Variants in KIF20B observed in about 807,000 individuals in gnomAD.
The protein encoded by KIF20B is kinesin-like protein KIF20B.
In KIF20B, 188 loss-of-function variants were observed where a neutral mutation model predicts 232.5. The observed-to-expected ratio is 0.81, with a 90% confidence interval of 0.72 to 0.91. The LOEUF is 0.91. Ranked by LOEUF, KIF20B falls within the 40% of genes least tolerant of loss-of-function variation. The probability of loss-of-function intolerance (pLI) is 0.00; values close to 1 mark genes in which losing one functional copy is unlikely to be tolerated. For missense variants in KIF20B, 2,154 were observed against 2,055.9 expected (o/e 1.05, Z -0.92); for synonymous variants, 712 against 683.0 (o/e 1.04, Z -0.66).
intron 19 of KIF20B, among the ~76,000 whole-genome samples, chr10:89,736,543 CTTACA>C (rs532825463): frequency 8.5e-5 from 13 of 152,248 alleles, no homozygotes; most frequent in Admixed American, 5.9e-4. Flanking sequence ...AGTCATTTAA[CTTACA>C]TTACGTATTA....
At chr10:89,763,439 T>C (rs1021903854) in intron 29 of KIF20B, among the ~76,000 whole-genome samples, 2 of 152,192 alleles carry the variant, frequency 1.3e-5, no homozygotes, top group African/African-American at 4.8e-5. Context: ...TCATACTTAG[T>C]CACTTTCCCT....
At chr10:89,735,159 G>A (rs926540494) in intron 19 of KIF20B, among the ~76,000 whole-genome samples, 1 of 151,932 alleles carries the variant, frequency 6.6e-6, no homozygotes, top group Admixed American at 6.6e-5. Flanking sequence ...TAATGTAACT[G>A]GAATATGTCA....
In KIF20B at chr10:89,772,702, T is replaced by G; in HGVS notation, c.5256T>G (p.Ile1752Met). The G allele has an allele frequency of 7.6e-6, 12 of 1,571,892 alleles. No homozygotes were observed. Among genetic ancestry groups the G allele is most frequent in the Non-Finnish European group, 1.0e-5 (12 of 1,158,734 alleles). Residue 1752 changes from isoleucine to methionine, a missense_variant, in exon 32 of 33, where the codon ATT (isoleucine) becomes ATG (methionine). Transcript: ENST00000371728. Reference sequence around the variant, plus strand: ...TTTATTTTATAGCAAAGAAGATAATTGAAACAATGAGCTCTTCAAAGCTCT... The same window carrying G: ...TTTATTTTATAGCAAAGAAGATAATGGAAACAATGAGCTCTTCAAAGCTCT... ...SILQSKAKKIIETMSSSKLSN... is the reference protein window; with the variant it reads ...SILQSKAKKIMETMSSSKLSN...
At chr10:89,746,392 G>A (rs750741941) in intron 23 of KIF20B, among the ~76,000 whole-genome samples, 2 of 152,192 alleles carry the variant, frequency 1.3e-5, no homozygotes, top group Non-Finnish European at 2.9e-5. Flanking sequence ...GATGGAGCGG[G>A]AAGGTGGTCT....
At chr10:89,727,823 G>A in intron 16 of KIF20B, 33 bp from the exon 17 acceptor site, 1 of 1,503,126 alleles carries the variant, frequency 6.7e-7, no homozygotes, top group African/African-American at 1.4e-5. Flanking sequence ...TAGATGCTTA[G>A]ATATTTATTT....
At chr10:89,721,662 C>G (rs1843060812) in intron 13 of KIF20B, among the ~76,000 whole-genome samples, 1 of 151,666 alleles carries the variant, frequency 6.6e-6, no homozygotes, top group African/African-American at 2.4e-5. Flanking sequence ...AGAGTGAGAC[C>G]TTGTCTTAAA....
rs753159710 is a variant in KIF20B, at chr10:89,705,375, A to T, written c.81A>T (p.Glu27Asp). Reference sequence around the variant, plus strand: ...CTGACCCAATTGCAAGGCCTTCAGAAATAAATTTCGATGGCATTAAGCTTG... The same window carrying T: ...CTGACCCAATTGCAAGGCCTTCAGATATAAATTTCGATGGCATTAAGCTTG... Reference protein sequence around the residue: ...FSADPIARPSEINFDGIKLDL... With the variant: ...FSADPIARPSDINFDGIKLDL... Residue 27 changes from glutamate (E) to aspartate (D), a missense_variant, in exon 2 of 33, where the codon GAA becomes GAT. Transcript: ENST00000371728. The T allele has an allele frequency of 1.9e-6, 3 of 1,614,088 alleles. No homozygotes were observed. The highest frequency in any genetic ancestry group is 4.5e-5 in the East Asian group (2 of 44,852).
At chr10:89,766,060 T>C (rs1842352435) in intron 29 of KIF20B, among the ~76,000 whole-genome samples, 1 of 152,174 alleles carries the variant, frequency 6.6e-6, no homozygotes, top group African/African-American at 2.4e-5. Context: ...CCTTGCTAGA[T>C]TGAGGAAGTT....
chr10:89,762,621 T>C lies in KIF20B; in HGVS notation c.4792-17T>C, dbSNP rs1842266961. 3.2e-6 allele frequency: 5 copies of C among 1,584,976 alleles called. No homozygotes were observed. The highest frequency in any genetic ancestry group is 4.3e-6 in the Non-Finnish European group (5 of 1,156,922). On this transcript the variant is annotated splice_polypyrimidine_tract_variant and intron_variant, in intron 28 of 32. Transcript: ENST00000371728. Reference sequence around the variant, plus strand: ...ATACTCTACAAATAATATTTTTCCTTTTACATTCTGTTGTAGGATGGATCT... The same window carrying C: ...ATACTCTACAAATAATATTTTTCCTCTTACATTCTGTTGTAGGATGGATCT...
chr10:89,717,463 T>C lies in KIF20B; in HGVS notation c.1092T>C (p.Asp364=), dbSNP rs542233023. 41 of 1,596,380 alleles carry C rather than the reference T, an allele frequency of 2.6e-5. No individual in the cohort carries two copies. In the East Asian group the frequency reaches 8.5e-4, roughly 33 times the overall value. The change falls in exon 10 of 33, where the codon GAT becomes GAC. Residue 364 remains aspartate, a synonymous_variant. Transcript: ENST00000371728. ...IFTVKILQIE[D]SEMSRVIRVS... is the part of the protein sequence containing the mutation. ...CTGTTAAAATATTACAGATTGAAGA[T>C]TCTGAAATGTCTCGTGTAATTCGAG...
chr10:89,750,949 A>G (rs1028708540), intron 23 of KIF20B, among the ~76,000 whole-genome samples: 1 of 152,160 alleles, frequency 6.6e-6, no homozygotes, highest in Non-Finnish European at 1.5e-5. Flanking sequence ...TTTTAGTTTG[A>G]TTGGAGAATA....
chr10:89,718,033 G>A (rs1046094805), intron 11 of KIF20B, among the ~76,000 whole-genome samples: 1 of 152,184 alleles, frequency 6.6e-6, no homozygotes, highest in Admixed American at 6.5e-5. Context: ...AATGCATTGT[G>A]TGTGGTTCTA....
At chr10:89,732,303 TG>T (rs1479345630) in intron 18 of KIF20B, among the ~76,000 whole-genome samples, 3 of 152,104 alleles carry the variant, frequency 2.0e-5, no homozygotes, top group African/African-American at 7.2e-5. Flanking sequence ...TTTAATTTTT[TG>T]TAGAGACGGG....
At chr10:89,727,791 G>A (rs1843222315) in intron 16 of KIF20B, 65 bp from the exon 17 acceptor site, 2 of 1,366,028 alleles carry the variant, frequency 1.5e-6, no homozygotes, top group South Asian at 1.3e-5. Flanking sequence ...ATGTTTCATA[G>A]TTATTCAGTG....
rs150306227 is a variant in KIF20B at position 89,710,448 on chromosome 10, C to T, written c.490+383C>T. ...TTCACCATTTTGGCCAGGCTAGTCT[C>T]GAACTCCTGACCTCAGGTGATATGC... On this transcript the variant is annotated intron_variant, in intron 5 of 32. Transcript: ENST00000371728. Among the ~76,000 whole-genome samples the T allele has an allele frequency of 3.2e-3, 484 of 152,218 alleles. 4 individuals carry two copies. The highest frequency in any genetic ancestry group is 0.011 in the African/African-American group (451 of 41,530).
chr10:89,712,836 A>G (rs867609180), intron 6 of KIF20B, among the ~76,000 whole-genome samples: 2 of 152,288 alleles, frequency 1.3e-5, no homozygotes, highest in Middle Eastern at 3.4e-3. Flanking sequence ...AAAAACTACT[A>G]ATTGTTTTTG....
chr10:89,768,558 A>G (rs1159457814), intron 30 of KIF20B, among the ~76,000 whole-genome samples, 167 bp downstream of exon 30: 5 of 151,872 alleles, frequency 3.3e-5, no homozygotes, highest in Non-Finnish European at 5.9e-5. Flanking sequence ...TGACTTTAAC[A>G]CTCTGCCTGT....
chr10:89,714,724 A>C (rs1312518699), intron 7 of KIF20B, among the ~76,000 whole-genome samples: 1 of 152,128 alleles, frequency 6.6e-6, no homozygotes, highest in Non-Finnish European at 1.5e-5. Context: ...TTTAATTTCT[A>C]TTGGTTCATT....
intron 22 of KIF20B, among the ~76,000 whole-genome samples, chr10:89,744,709 A>C (rs1044180437): frequency 6.6e-6 from 1 of 152,224 alleles, no homozygotes; most frequent in South Asian, 2.1e-4. Flanking sequence ...CAACAATAAA[A>C]AAAATACATT....
Sources: gnomAD v4.1 joint callset for allele counts (sites outside exome capture counted in the v4.1 genomes callset) on GRCh38, gnomAD v4.1.1 for gene constraint, MANE v1.5 for transcripts, NCBI Gene and HGNC (gene_info 2026-07-23, HGNC 2026-07-21) for gene names.